The following MRPL1 variants were observed in gnomAD, a reference collection of about 807,000 sequenced individuals.
The protein encoded by MRPL1 is large ribosomal subunit protein uL1m.
MRPL1 carries 28 observed loss-of-function variants against 38.0 expected under a neutral mutation model. That is an observed-to-expected ratio of 0.74 (90% CI 0.55 to 1.01). The LOEUF is 1.01. MRPL1 is among the 50% of genes least tolerant of loss of function. The pLI, the probability that MRPL1 is intolerant of heterozygous loss-of-function variation, is 0.00. For synonymous variants in MRPL1, 123 were observed against 126.7 expected (o/e 0.97, Z 0.20); for missense variants, 358 against 389.8 (o/e 0.92, Z 0.69).
In MRPL1 at chr4:77,944,857, T is replaced by A. The variant is rs202113190; in HGVS notation, c.778-4940T>A. Among the ~76,000 whole-genome samples the A allele has an allele frequency of 4.6e-5, 7 of 152,266 alleles. No individual in the cohort carries two copies. In the East Asian group the frequency reaches 1.4e-3, roughly 29 times the overall value. ...TTATATAAAGATCACGAACTTGTAA[T>A]AGCTGTGTCCAGAGTCATAAGCTAG... On this transcript the variant is annotated intron_variant, in intron 7 of 8. Transcript: ENST00000315567.
chr4:77,942,554 T>C (rs531022474), intron 7 of MRPL1, among the ~76,000 whole-genome samples: 10 of 152,332 alleles, frequency 6.6e-5, no homozygotes, highest in African/African-American at 2.4e-4. Flanking sequence ...CCAGTGTTAA[T>C]GCATATATAT....
chr4:77,897,009 T>C (rs912992564), intron 6 of MRPL1, among the ~76,000 whole-genome samples: 4 of 152,224 alleles, frequency 2.6e-5, no homozygotes, highest in Non-Finnish European at 5.9e-5. Flanking sequence ...TTAAAACTTT[T>C]TTATTTCTAA....
At chr4:77,932,078 G>T (rs781224707) in intron 7 of MRPL1, among the ~76,000 whole-genome samples, 8 of 152,168 alleles carry the variant, frequency 5.3e-5, no homozygotes, top group Non-Finnish European at 1.2e-4. Context: ...CAGTGATACA[G>T]AATGGGACAC....
intron 5 of MRPL1, among the ~76,000 whole-genome samples, chr4:77,893,563 A>G (rs1404544025): frequency 6.6e-6 from 1 of 151,924 alleles, no homozygotes; most frequent in Non-Finnish European, 1.5e-5. Flanking sequence ...GAATGGATAT[A>G]GAGTATGGAT....
At chr4:77,931,806 A>G (rs1222818785) in intron 7 of MRPL1, among the ~76,000 whole-genome samples, 1 of 152,230 alleles carries the variant, frequency 6.6e-6, no homozygotes, top group Non-Finnish European at 1.5e-5. Context: ...ATCCATAAAC[A>G]GATGTTGGCT....
chr4:77,935,931 CAAAA>C (rs33923654), intron 7 of MRPL1, among the ~76,000 whole-genome samples: 1 of 121,698 alleles, frequency 8.2e-6, no homozygotes. Flanking sequence ...GACTATGTCT[CAAAA>C]AAAAAAAAAA....
intron 7 of MRPL1, among the ~76,000 whole-genome samples, chr4:77,913,570 T>C (rs1736340420): frequency 6.6e-6 from 1 of 152,204 alleles, no homozygotes; most frequent in Non-Finnish European, 1.5e-5. Context: ...GCAACCTCTT[T>C]GGCAAACAAT....
intron 7 of MRPL1, among the ~76,000 whole-genome samples, chr4:77,938,797 T>C (rs1737050895): frequency 1.3e-5 from 2 of 152,190 alleles, no homozygotes; most frequent in Non-Finnish European, 2.9e-5. Flanking sequence ...TATAAGCATA[T>C]GCACCTAAAC....
intron 7 of MRPL1, among the ~76,000 whole-genome samples, chr4:77,917,730 T>C (rs145562103): frequency 3.0e-4 from 45 of 152,234 alleles, no homozygotes; most frequent in Middle Eastern, 3.4e-3. Flanking sequence ...GTAAATAAAG[T>C]ACAGGAAAAT....
rs1491442937 is a variant in MRPL1 at position 77,898,988 on chromosome 4, GAT to G, written c.670+4739_670+4740del. Reference sequence around the variant, plus strand: ...AACTTTTTACAGTTACTTATGCACAGATTTTTTTTTTTTTTTTTTTTTTGAGA... The same window carrying G: ...AACTTTTTACAGTTACTTATGCACAGTTTTTTTTTTTTTTTTTTTTTGAGA... On this transcript the variant is annotated intron_variant, in intron 6 of 8. Coordinates refer to ENST00000315567, the MANE Select transcript of MRPL1 (RefSeq NM_020236.4). Among the ~76,000 whole-genome samples, 145 of 140,624 alleles carry G rather than the reference GAT, an allele frequency of 1.0e-3. 2 individuals carry two copies. Among genetic ancestry groups the G allele is most frequent in the East Asian group, 6.7e-3 (32 of 4,798 alleles). 92.3% of individuals were successfully genotyped at this position (140,624 alleles called of 152,430 possible).
chr4:77,952,461 C>T, intron 8 of MRPL1, 28 bp from the exon 9 acceptor site: 1 of 1,501,140 alleles, frequency 6.7e-7, no homozygotes, highest in Non-Finnish European at 9.3e-7. Flanking sequence ...ATATAAAAAT[C>T]AAAGTTGATT....
intron 1 of MRPL1, among the ~76,000 whole-genome samples, chr4:77,863,959 T>C (rs923550261): frequency 4.0e-5 from 6 of 150,826 alleles, no homozygotes; most frequent in Admixed American, 6.6e-5. Flanking sequence ...AAGCTTGCAA[T>C]CCTAGGTCAG....
intron 6 of MRPL1, among the ~76,000 whole-genome samples, chr4:77,896,149 C>CT (rs527571244): frequency 0.057 from 7,323 of 127,396 alleles, 226 homozygotes; most frequent in African/African-American, 0.09. Context: ...TTTTAGCTTC[C>CT]TTTTTTTTTT....
chr4:77,881,976 C>T (rs1176164895), intron 2 of MRPL1, among the ~76,000 whole-genome samples: 1 of 152,184 alleles, frequency 6.6e-6, no homozygotes, highest in African/African-American at 2.4e-5. Context: ...GGATGCCCCC[C>T]TATGCTCTGT....
chr4:77,939,496 T>C (rs375532277), intron 7 of MRPL1, among the ~76,000 whole-genome samples: 3 of 152,226 alleles, frequency 2.0e-5, no homozygotes, highest in South Asian at 2.1e-4. Context: ...GGTTGTCTGT[T>C]TACTCTGCTG....
intron 7 of MRPL1, among the ~76,000 whole-genome samples, chr4:77,945,505 C>CT (rs11321603): frequency 3.1e-4 from 45 of 147,076 alleles, no homozygotes; most frequent in South Asian, 1.3e-3. Flanking sequence ...GTGTACTTTG[C>CT]TTTTTTTTTT....
At chr4:77,935,330 A>T (rs1030951347) in intron 7 of MRPL1, among the ~76,000 whole-genome samples, 2 of 152,240 alleles carry the variant, frequency 1.3e-5, no homozygotes, top group Non-Finnish European at 2.9e-5. Flanking sequence ...TTAGCTTGTT[A>T]GGAGCTGTAG....
chr4:77,894,306 C>A, intron 6 of MRPL1, 56 bp downstream of exon 6: 2 of 1,114,336 alleles, frequency 1.8e-6, no homozygotes, highest in Non-Finnish European at 2.7e-6. Flanking sequence ...GTGAACTTTG[C>A]TTAGTTAGGA....
chr4:77,888,436 C>T (rs1735732029), intron 5 of MRPL1, among the ~76,000 whole-genome samples: 3 of 152,118 alleles, frequency 2.0e-5, no homozygotes, highest in South Asian at 2.1e-4. Context: ...ACCCAGGAGG[C>T]GGAGTTTGCA....
Sources: gnomAD v4.1 joint callset for allele counts (sites outside exome capture counted in the v4.1 genomes callset) on GRCh38, gnomAD v4.1.1 for gene constraint, MANE v1.5 for transcripts, NCBI Gene and HGNC (gene_info 2026-07-23, HGNC 2026-07-21) for gene names.